Variants in RBFOX1 observed in about 807,000 individuals in gnomAD.
RBFOX1 encodes RNA binding fox-1 homolog 1.
A neutral mutation model predicts 57.7 loss-of-function variants in RBFOX1; 8 were observed. The ratio of observed to expected loss-of-function variants is 0.14; its 90% confidence interval spans 0.08 to 0.25. RBFOX1 has a LOEUF of 0.25. RBFOX1 is among the 10% of genes least tolerant of loss of function. The probability of loss-of-function intolerance (pLI) is 1.00; values close to 1 mark genes in which losing one functional copy is unlikely to be tolerated. For missense variants in RBFOX1, 611 were observed against 548.5 expected (o/e 1.11, Z -1.14); for synonymous variants, 326 against 222.4 (o/e 1.47, Z -4.15).
At chr16:5,943,276 T>C (rs2059318478) in intron 4 of RBFOX1, among the ~76,000 whole-genome samples, 1 of 152,194 alleles carries the variant, frequency 6.6e-6, no homozygotes, top group Admixed American at 6.5e-5. Context: ...TAAGTGAACT[T>C]TCTTAGTATG....
chr16:7,175,385 C>T (rs1567573867), intron 4 of RBFOX1, among the ~76,000 whole-genome samples: 2 of 152,146 alleles, frequency 1.3e-5, no homozygotes, highest in East Asian at 3.9e-4. Context: ...CTATAATTTC[C>T]TTTCCCTTAT....
intron 1 of RBFOX1, among the ~76,000 whole-genome samples, chr16:6,063,449 C>T (rs1315216726): frequency 6.8e-6 from 1 of 146,294 alleles, no homozygotes. Context: ...TCATTAGCGT[C>T]TGTTCTCTTT....
At chr16:5,794,963 A>G (rs1036999561) in intron 3 of RBFOX1, among the ~76,000 whole-genome samples, 18 of 152,028 alleles carry the variant, frequency 1.2e-4, no homozygotes, top group Non-Finnish European at 8.8e-5. Flanking sequence ...CTCTCATCTC[A>G]CTGGGTCTTG....
intron 2 of RBFOX1, among the ~76,000 whole-genome samples, chr16:6,567,346 C>G (rs949325189): frequency 2.0e-5 from 3 of 152,174 alleles, no homozygotes; most frequent in African/African-American, 4.8e-5. Context: ...GGATGTTACT[C>G]TGTGTGCTGA....
chr16:6,767,841 G>C (rs938349191), intron 3 of RBFOX1, among the ~76,000 whole-genome samples: 1 of 151,548 alleles, frequency 6.6e-6, no homozygotes, highest in East Asian at 1.9e-4. Context: ...TTGAACCCGG[G>C]AGGTGGAGGT....
intron 4 of RBFOX1, among the ~76,000 whole-genome samples, chr16:7,405,383 C>T (rs1256932111): frequency 6.6e-6 from 1 of 152,192 alleles, no homozygotes; most frequent in Non-Finnish European, 1.5e-5. Flanking sequence ...AGGCGCTGTG[C>T]AGTTTTTTCC....
intron 4 of RBFOX1, among the ~76,000 whole-genome samples, chr16:7,369,513 A>C (rs1418762975): frequency 6.6e-6 from 1 of 152,158 alleles, no homozygotes; most frequent in Non-Finnish European, 1.5e-5. Context: ...TTGCATTCCT[A>C]GTTACTCTTT....
intron 4 of RBFOX1, among the ~76,000 whole-genome samples, chr16:7,415,384 C>G (rs187016904): frequency 2.6e-5 from 4 of 152,092 alleles, no homozygotes; most frequent in Non-Finnish European, 5.9e-5. Context: ...TAGCTCTGAG[C>G]CAGTGCACTT....
intron 4 of RBFOX1, among the ~76,000 whole-genome samples, chr16:7,074,520 C>G (rs76286809): frequency 0.015 from 2,222 of 151,712 alleles, 62 homozygotes; most frequent in African/African-American, 0.051. Flanking sequence ...AAGAATAGAA[C>G]TAAGGAACAG....
At chr16:6,028,189 A>T (rs1338605266) in intron 1 of RBFOX1, among the ~76,000 whole-genome samples, 1 of 152,024 alleles carries the variant, frequency 6.6e-6, no homozygotes, top group Non-Finnish European at 1.5e-5. Flanking sequence ...TGTCATACCT[A>T]TTTCTTCAGT....
intron 1 of RBFOX1, among the ~76,000 whole-genome samples, chr16:5,379,590 C>G (rs1462530908): frequency 1.3e-5 from 2 of 152,228 alleles, no homozygotes; most frequent in African/African-American, 2.4e-5. Context: ...GGCTCTGCTA[C>G]TTAATCTCTG....
At chr16:5,873,383 T>C (rs2057526283) in intron 4 of RBFOX1, among the ~76,000 whole-genome samples, 1 of 152,210 alleles carries the variant, frequency 6.6e-6, no homozygotes, top group South Asian at 2.1e-4. Context: ...TCAGCAGTAC[T>C]TTCCAATGAG....
chr16:5,842,847 C>T (rs533260146), intron 3 of RBFOX1, among the ~76,000 whole-genome samples: 1 of 152,124 alleles, frequency 6.6e-6, no homozygotes, highest in African/African-American at 2.4e-5. Context: ...GAGACAGACT[C>T]TCGCACTGTC....
chr16:5,240,441 G>A (rs1339847345), intron 1 of RBFOX1, among the ~76,000 whole-genome samples: 1 of 152,140 alleles, frequency 6.6e-6, no homozygotes, highest in Non-Finnish European at 1.5e-5. Flanking sequence ...ATCCTGTCTG[G>A]GGCATCTGTC....
chr16:6,859,784 C>T (rs777828291), intron 3 of RBFOX1, among the ~76,000 whole-genome samples: 1 of 151,896 alleles, frequency 6.6e-6, no homozygotes, highest in Non-Finnish European at 1.5e-5. Context: ...GCTAAGGCTC[C>T]AAAAGGCATT....
chr16:6,566,774 C>T (rs1166235617), intron 2 of RBFOX1, among the ~76,000 whole-genome samples: 2 of 152,188 alleles, frequency 1.3e-5, no homozygotes, highest in Admixed American at 1.3e-4. Flanking sequence ...AGCATGCTTA[C>T]CCTTTGCTTA....
intron 4 of RBFOX1, among the ~76,000 whole-genome samples, chr16:7,107,878 T>C (rs1318984614): frequency 5.3e-5 from 8 of 152,150 alleles, no homozygotes; most frequent in African/African-American, 1.9e-4. Flanking sequence ...CTAAAACCTG[T>C]GTTTGCTTGA....
At chr16:6,672,636 G>A (rs946601890) in intron 3 of RBFOX1, among the ~76,000 whole-genome samples, 1 of 152,100 alleles carries the variant, frequency 6.6e-6, no homozygotes, top group African/African-American at 2.4e-5. Flanking sequence ...GGTACACATG[G>A]ATCCAGGTCC....
intron 4 of RBFOX1, among the ~76,000 whole-genome samples, chr16:7,495,922 A>C (rs1445950395): frequency 6.6e-6 from 1 of 152,172 alleles, no homozygotes; most frequent in Non-Finnish European, 1.5e-5. Flanking sequence ...GAAAATCAGC[A>C]GAATTTCATT....
Sources: allele counts gnomAD v4.1 joint callset (sites outside exome capture counted in the v4.1 genomes callset), GRCh38; gene constraint gnomAD v4.1.1; transcripts MANE v1.5; gene names NCBI Gene and HGNC (gene_info 2026-07-23, HGNC 2026-07-21).